MAD1L1: variants seen among roughly 807,000 people sequenced by gnomAD.
The protein encoded by MAD1L1 is mitotic spindle assembly checkpoint protein MAD1.
MAD1L1 carries 95 observed loss-of-function variants against 96.9 expected under a neutral mutation model. That is an observed-to-expected ratio of 0.98 (90% CI 0.83 to 1.16). The LOEUF is 1.16. MAD1L1 is among the 50% of genes most tolerant of loss of function. The probability of loss-of-function intolerance (pLI) is 0.00; values close to 1 mark genes in which losing one functional copy is unlikely to be tolerated. For synonymous variants in MAD1L1, 473 were observed against 396.6 expected, an observed-to-expected ratio of 1.19 and a Z score of -2.29; for missense variants, 1,007 against 954.4, an observed-to-expected ratio of 1.06 and a Z score of -0.73.
At chr7:1,949,457 C>T (rs1365372095) in intron 16 of MAD1L1, among the ~76,000 whole-genome samples, 3 of 152,156 alleles carry the variant, frequency 2.0e-5, no homozygotes, top group Admixed American at 6.5e-5. Context: ...CCTTGAGAAC[C>T]GAGGGGCATC....
intron 11 of MAD1L1, among the ~76,000 whole-genome samples, chr7:2,137,145 A>T (rs1422043181): frequency 2.0e-5 from 3 of 152,168 alleles, no homozygotes; most frequent in African/African-American, 7.2e-5. Flanking sequence ...TAAGCAAGGA[A>T]ACAGAAGTTC....
In MAD1L1 at chr7:2,009,451, C is replaced by T. The variant is rs138286785; in HGVS notation, c.1359+5051G>A. ...CACGTGGAAAAGGATGGGACGGAAG[C>T]TCAGGCCTCCACCTTCCTGGCCAGG... On this transcript the variant is annotated intron_variant, in intron 13 of 18. Coordinates refer to ENST00000265854, the MANE Select transcript of MAD1L1 (RefSeq NM_001013836.2). Among the ~76,000 whole-genome samples, 630 of 152,320 alleles carry T rather than the reference C, an allele frequency of 4.1e-3. 6 individuals carry two copies. Among genetic ancestry groups the T allele is most frequent in the African/African-American group, 0.015 (606 of 41,570 alleles).
At chr7:1,817,440 GAC>G (rs1004376470) in intron 18 of MAD1L1, 3 of 152,268 alleles carry the variant, frequency 2.0e-5, no homozygotes, top group African/African-American at 7.2e-5. Context: ...GCCGGAGGGA[GAC>G]ACAAAACCGG....
intron 11 of MAD1L1, among the ~76,000 whole-genome samples, chr7:2,091,413 T>C (rs754194297): frequency 2.0e-5 from 3 of 152,242 alleles, no homozygotes; most frequent in Non-Finnish European, 4.4e-5. Flanking sequence ...TCTACTTGTG[T>C]TGAGCCAGTC....
chr7:1,936,631 T>G, intron 17 of MAD1L1, 56 bp downstream of exon 17: 10 of 1,509,624 alleles, frequency 6.6e-6, no homozygotes, highest in Non-Finnish European at 8.0e-6. Context: ...GGCGCACGGA[T>G]GGACCTACCC....
intron 17 of MAD1L1, among the ~76,000 whole-genome samples, chr7:1,920,985 C>A (rs1276634079): frequency 6.6e-6 from 1 of 151,482 alleles, no homozygotes; most frequent in Non-Finnish European, 1.5e-5. Context: ...GCCCTGGAGA[C>A]GACGAGACAG....
At chr7:2,012,340 G>A (rs1225671198) in intron 13 of MAD1L1, among the ~76,000 whole-genome samples, 3 of 152,334 alleles carry the variant, frequency 2.0e-5, no homozygotes, top group East Asian at 1.9e-4. Flanking sequence ...TGGAGAAATC[G>A]CTCAACGTGG....
intron 18 of MAD1L1, among the ~76,000 whole-genome samples, chr7:1,897,112 C>T (rs1429651437): frequency 6.7e-6 from 1 of 150,288 alleles, no homozygotes; most frequent in Admixed American, 6.6e-5. Context: ...CCCCGTGCAG[C>T]GCAGGCTGTG....
chr7:2,187,932 C>T (rs958295737), intron 10 of MAD1L1, among the ~76,000 whole-genome samples: 9 of 152,146 alleles, frequency 5.9e-5, no homozygotes, highest in African/African-American at 1.9e-4. Context: ...AAAACTCAAG[C>T]TGCCAAACAC....
intron 12 of MAD1L1, among the ~76,000 whole-genome samples, chr7:2,067,528 C>T (rs898937955): frequency 6.6e-6 from 1 of 152,188 alleles, no homozygotes; most frequent in African/African-American, 2.4e-5. Context: ...GTGTCGCCCC[C>T]TCTGCTTCCC....
intron 11 of MAD1L1, among the ~76,000 whole-genome samples, chr7:2,144,604 C>T (rs1244619028): frequency 6.6e-6 from 1 of 152,160 alleles, no homozygotes; most frequent in Non-Finnish European, 1.5e-5. Flanking sequence ...CCTGTCCCGG[C>T]TCTTCCCACG....
intron 18 of MAD1L1, among the ~76,000 whole-genome samples, chr7:1,825,089 T>C (rs1359592881): frequency 2.6e-5 from 4 of 152,200 alleles, no homozygotes; most frequent in Admixed American, 6.5e-5. Context: ...GATTTTTTTA[T>C]ATGCTGCATA....
chr7:2,161,986 CGCCCATCCGGGAGGTGGGGGGCGGCCCCT>C (rs1039927809), intron 10 of MAD1L1, among the ~76,000 whole-genome samples: 5 of 146,828 alleles, frequency 3.4e-5, no homozygotes, highest in Admixed American at 2.0e-4. Flanking sequence ...GGGCGGCCCC[CGCCCATCCGGGAGGTGGGGGGCGGCCCCT>C]GCCCATCCAC....
intron 13 of MAD1L1, among the ~76,000 whole-genome samples, chr7:2,011,128 G>A (rs1248603151): frequency 6.6e-6 from 1 of 152,122 alleles, no homozygotes; most frequent in Non-Finnish European, 1.5e-5. Context: ...GGGCGATGGC[G>A]GCCCCCCACC....
At chr7:2,232,130 G>C (rs953001389) in intron 1 of MAD1L1, among the ~76,000 whole-genome samples, 4 of 152,212 alleles carry the variant, frequency 2.6e-5, no homozygotes, top group Admixed American at 2.0e-4. Flanking sequence ...GCTTACTATG[G>C]GCTCATGGCA....
chr7:2,207,077 CAA>C (rs201353849), intron 10 of MAD1L1, among the ~76,000 whole-genome samples: 29 of 56,038 alleles, frequency 5.2e-4, no homozygotes, highest in Admixed American at 1.2e-3. Context: ...GATTCCGTCT[CAA>C]AAAAAAAAAA....
chr7:1,880,251 C>T (rs1443124452), intron 18 of MAD1L1, among the ~76,000 whole-genome samples: 15 of 152,138 alleles, frequency 9.9e-5, no homozygotes, highest in Admixed American at 9.2e-4. Flanking sequence ...TGCCAACACC[C>T]GGGTTCCTGG....
intron 14 of MAD1L1, among the ~76,000 whole-genome samples, chr7:1,981,410 C>T (rs1780899835): frequency 1.3e-5 from 2 of 152,222 alleles, no homozygotes; most frequent in African/African-American, 2.4e-5. Flanking sequence ...GGCAGGCTGG[C>T]GCAGGCTGAG....
rs574295340 is a variant in MAD1L1, at chr7:2,111,531, T to C, written c.1073+37621A>G. ...TGAGAGGAAGCAAAACGAAACCAGC[T>C]TAGATTTGATCCCGATACGTGGGAA... is the stretch of plus-strand genomic sequence containing the variant. On this transcript the variant is annotated intron_variant, in intron 11 of 18. Coordinates refer to ENST00000265854, the MANE Select transcript of MAD1L1 (RefSeq NM_001013836.2). 1.2e-4 allele frequency among the ~76,000 whole-genome samples: 18 copies of C among 152,286 alleles called. No individual in the cohort carries two copies. In the South Asian group the frequency reaches 3.5e-3, roughly 30 times the overall value.
Sources: gnomAD v4.1 joint callset for allele counts (sites outside exome capture counted in the v4.1 genomes callset) on GRCh38, gnomAD v4.1.1 for gene constraint, MANE v1.5 for transcripts, NCBI Gene and HGNC (gene_info 2026-07-23, HGNC 2026-07-21) for gene names.